Variants in VCPIP1 observed in about 807,000 individuals in gnomAD.
The protein encoded by VCPIP1 is deubiquitinating protein VCPIP1.
A neutral mutation model predicts 85.0 loss-of-function variants in VCPIP1; 8 were observed. The observed-to-expected ratio is 0.09, with a 90% CI of 0.06 to 0.17. The LOEUF (loss-of-function observed/expected upper bound fraction) is 0.17. Ranked by LOEUF, VCPIP1 falls within the 10% of genes least tolerant of loss-of-function variation. The pLI, the probability that VCPIP1 is intolerant of heterozygous loss-of-function variation, is 1.00. For synonymous variants in VCPIP1, 543 were observed against 544.5 expected (o/e 1.00, Z 0.04); for missense variants, 1,070 against 1,486.3 (o/e 0.72, Z 4.61).
chr8:66,632,086 A>G lies in VCPIP1; in HGVS notation c.*2415T>C, dbSNP rs1810839721. The G allele has an allele frequency of 6.6e-6, 1 of 151,790 alleles. No individual in the cohort carries two copies. The highest frequency in any genetic ancestry group is 2.4e-5 in the African/African-American group (1 of 41,374). 9.4% of individuals were successfully genotyped at this position (151,790 alleles called of 1,614,324 possible). A position where few individuals can be genotyped will look rare whatever the true frequency, so the allele number is the denominator to read the frequency against. On this transcript the variant is annotated 3_prime_UTR_variant, in exon 3 of 3. Coordinates refer to ENST00000310421, the MANE Select transcript of VCPIP1 (RefSeq NM_025054.5). ...AGGGCTAAAAAAAAAAAAAAAAACAAATTTACCTGAGATGTCTAGCTTGCA... is the reference window on the plus strand; with the variant it reads ...AGGGCTAAAAAAAAAAAAAAAAACAGATTTACCTGAGATGTCTAGCTTGCA...
At chr8:66,635,910 T>C (rs908213151) in intron 2 of VCPIP1, among the ~76,000 whole-genome samples, 4 of 119,262 alleles carry the variant, frequency 3.4e-5, no homozygotes, top group African/African-American at 1.4e-4. Flanking sequence ...TGAAACTCTA[T>C]CTCAAAAAAA....
rs1460574886 is a variant in VCPIP1, at chr8:66,631,132, A to C, written c.*3369T>G. On this transcript the variant is annotated 3_prime_UTR_variant, in exon 3 of 3. Coordinates refer to ENST00000310421, the MANE Select transcript of VCPIP1 (RefSeq NM_025054.5). Reference sequence around the variant, plus strand: ...AAGGCTTTGTGTTTATAAAAATCTTAAGATGGAAACCTTGCTTTGAGAACC... The same window carrying C: ...AAGGCTTTGTGTTTATAAAAATCTTCAGATGGAAACCTTGCTTTGAGAACC... The C allele has an allele frequency of 6.6e-6, 1 of 152,150 alleles. No homozygotes were observed. The allele number at this position is 152,150 out of a possible 1,614,324, so 9.4% of individuals were successfully genotyped here.
rs368463595 is a variant in VCPIP1, at chr8:66,634,580, T to C, written c.3590A>G (p.Asn1197Ser). Residue 1197 changes from asparagine (N) to serine (S), a missense_variant, in exon 3 of 3, where the codon AAT becomes AGT. Coordinates refer to ENST00000310421, the MANE Select transcript of VCPIP1 (RefSeq NM_025054.5). Reference sequence around the variant, plus strand: ...CATCTCTTCAAGCTCCTCCACGGAATTTCCCCTTTGTGCTTTTGACCTTGT... The same window carrying C: ...CATCTCTTCAAGCTCCTCCACGGAACTTCCCCTTTGTGCTTTTGACCTTGT... ...FATRSKAQRG[N>S]SVEELEEMDS... 12 of 1,614,086 alleles carry C rather than the reference T, an allele frequency of 7.4e-6. No homozygotes were observed. In the African/African-American group the frequency reaches 8.0e-5, roughly 11 times the overall value.
chr8:66,631,549 T>C lies in VCPIP1; in HGVS notation c.*2952A>G. On this transcript the variant is annotated 3_prime_UTR_variant, in exon 3 of 3. Transcript: ENST00000310421. ...AGTCAGTGTTCATCTCCAATGAAGA[T>C]ACTTAAAAATAATGGCAATAAGGAC... 6.5e-6 allele frequency: 1 copy of C among 154,632 alleles called. No individual in the cohort carries two copies. Among genetic ancestry groups the C allele is most frequent in the Middle Eastern group, 5.2e-4 (1 of 1,920 alleles). 9.6% of individuals were successfully genotyped at this position (154,632 alleles called of 1,614,324 possible).
chr8:66,661,600 G>A (rs1399093602), intron 1 of VCPIP1, among the ~76,000 whole-genome samples: 5 of 151,624 alleles, frequency 3.3e-5, no homozygotes. Context: ...GCCAGGTGTG[G>A]TGGCACATGC....
At chr8:66,637,799 C>G (rs1376905889) in intron 2 of VCPIP1, among the ~76,000 whole-genome samples, 2 of 151,910 alleles carry the variant, frequency 1.3e-5, no homozygotes, top group African/African-American at 4.8e-5. Flanking sequence ...GAAACCCCAT[C>G]TCTACCAAAA....
chr8:66,650,765 C>A (rs898111274), intron 2 of VCPIP1, among the ~76,000 whole-genome samples: 1 of 136,952 alleles, frequency 7.3e-6, no homozygotes, highest in Non-Finnish European at 1.5e-5. Context: ...CATGGCCGGG[C>A]GTGGTGAATT....
At chr8:66,636,628 A>G (rs1810889918) in intron 2 of VCPIP1, among the ~76,000 whole-genome samples, 1 of 152,018 alleles carries the variant, frequency 6.6e-6, no homozygotes, top group African/African-American at 2.4e-5. Flanking sequence ...CTGTAGTCCC[A>G]GCTACTCAGG....
chr8:66,653,866 T>G (rs1206030015), intron 1 of VCPIP1, among the ~76,000 whole-genome samples: 2 of 152,168 alleles, frequency 1.3e-5, no homozygotes, highest in African/African-American at 2.4e-5. Flanking sequence ...TACATCTTAG[T>G]TTTATATATT....
chr8:66,657,462 C>G (rs1429080547), intron 1 of VCPIP1, among the ~76,000 whole-genome samples: 1 of 152,178 alleles, frequency 6.6e-6, no homozygotes, highest in Non-Finnish European at 1.5e-5. Flanking sequence ...CTGACGTAAT[C>G]CTCACGTTTA....
Position 66,629,180 on chromosome 8 carries a change from C to G in VCPIP1, c.*5321G>C, listed in dbSNP as rs1454502611. The G allele has an allele frequency of 6.6e-6, 1 of 152,116 alleles. No individual in the cohort carries two copies. Among genetic ancestry groups the G allele is most frequent in the Non-Finnish European group, 1.5e-5 (1 of 68,032 alleles). 9.4% of individuals were successfully genotyped at this position (152,116 alleles called of 1,614,324 possible). On this transcript the variant is annotated 3_prime_UTR_variant, in exon 3 of 3. Coordinates refer to ENST00000310421, the MANE Select transcript of VCPIP1 (RefSeq NM_025054.5). ...CTTCTAATCATCAGATACGTGTTAA[C>G]TCATTTAAGACAGCCACCCTGGGAG... is the stretch of plus-strand genomic sequence containing the variant.
chr8:66,651,120 G>A (rs1483814594), intron 2 of VCPIP1, among the ~76,000 whole-genome samples: 6 of 150,542 alleles, frequency 4.0e-5, no homozygotes, highest in African/African-American at 1.5e-4. Context: ...AGGAGGCAGA[G>A]GTTGCAGTGA....
Position 66,664,372 on chromosome 8 carries a change from C to T in VCPIP1, c.2587G>A (p.Ala863Thr). Reference protein sequence around the residue: ...SKAEGGQSAAAHSAHTVKQED... With the variant: ...SKAEGGQSAATHSAHTVKQED... ...TGTTTCACAGTGTGGGCTGAGTGTG[C>T]TGCAGCAGACTGACCACCTTCAGCT... Residue 863 changes from alanine (A) to threonine (T), a missense_variant, in exon 1 of 3, where the codon GCA becomes ACA. Ala to Thr is a moderately conservative substitution (Grantham distance 58). Coordinates refer to ENST00000310421, the MANE Select transcript of VCPIP1 (RefSeq NM_025054.5). The T allele has an allele frequency of 6.2e-7, 1 of 1,613,832 alleles. No individual in the cohort carries two copies. Among genetic ancestry groups the T allele is most frequent in the Non-Finnish European group, 8.5e-7 (1 of 1,179,712 alleles).
intron 2 of VCPIP1, among the ~76,000 whole-genome samples, chr8:66,640,885 T>C (rs898345244): frequency 5.9e-5 from 9 of 152,204 alleles, no homozygotes; most frequent in Non-Finnish European, 1.0e-4. Context: ...TGATTCTTCC[T>C]GGATGCCAGA....
intron 2 of VCPIP1, among the ~76,000 whole-genome samples, chr8:66,650,829 C>T (rs1437066604): frequency 7.8e-6 from 1 of 128,948 alleles, no homozygotes; most frequent in Admixed American, 9.7e-5. Context: ...CATCACACTC[C>T]AGTCTGGGGG....
chr8:66,656,329 G>C (rs1342389182), intron 1 of VCPIP1, among the ~76,000 whole-genome samples: 1 of 152,168 alleles, frequency 6.6e-6, no homozygotes, highest in Admixed American at 6.5e-5. Flanking sequence ...TGAGTAGCTA[G>C]GACTACAGGC....
At chr8:66,650,263 TCATTA>T (rs945259480) in intron 2 of VCPIP1, among the ~76,000 whole-genome samples, 7 of 152,204 alleles carry the variant, frequency 4.6e-5, no homozygotes, top group African/African-American at 1.7e-4. Flanking sequence ...AAATGGGGAT[TCATTA>T]CATTACTCTT....
chr8:66,639,422 T>G (rs1473650751), intron 2 of VCPIP1, among the ~76,000 whole-genome samples: 3 of 142,348 alleles, frequency 2.1e-5, no homozygotes, highest in Non-Finnish European at 3.0e-5. Context: ...TGGTGCGATC[T>G]CGGCTCACTG....
chr8:66,641,652 C>A (rs1178652675), intron 2 of VCPIP1, among the ~76,000 whole-genome samples: 1 of 152,250 alleles, frequency 6.6e-6, no homozygotes, highest in Non-Finnish European at 1.5e-5. Context: ...CAGATTCACT[C>A]TCTGTTTCTC....
Sources: gnomAD v4.1 joint callset for allele counts (sites outside exome capture counted in the v4.1 genomes callset) on GRCh38, gnomAD v4.1.1 for gene constraint, MANE v1.5 for transcripts, NCBI Gene and HGNC (gene_info 2026-07-23, HGNC 2026-07-21) for gene names.